The following KLHL29 variants were observed in gnomAD, a reference collection of about 807,000 sequenced individuals.
KLHL29 encodes the protein kelch-like protein 29.
Under a neutral mutation model 80.4 loss-of-function variants are expected in KLHL29, and 21 were observed. The observed-to-expected ratio is 0.26, with a 90% CI of 0.19 to 0.38. KLHL29 has a LOEUF of 0.38. Among genes scored for constraint, KLHL29 ranks in the 10% least tolerant of loss-of-function variants. The pLI is 1.00. For missense variants in KLHL29, 867 were observed against 1,223.9 expected (o/e 0.71, Z 4.35); for synonymous variants, 511 against 526.8 (o/e 0.97, Z 0.41).
At chr2:23,687,692 T>C (rs1269884274) in intron 6 of KLHL29, among the ~76,000 whole-genome samples, 1 of 151,958 alleles carries the variant, frequency 6.6e-6, no homozygotes, top group Non-Finnish European at 1.5e-5. Context: ...TGGCATCTGA[T>C]GTGGGTTATG....
At chr2:23,516,016 G>A (rs2103465625) in intron 2 of KLHL29, among the ~76,000 whole-genome samples, 1 of 152,304 alleles carries the variant, frequency 6.6e-6, no homozygotes, top group East Asian at 1.9e-4. Context: ...TAGTCTATTG[G>A]TCAATTTGTA....
intron 1 of KLHL29, among the ~76,000 whole-genome samples, chr2:23,412,061 G>C (rs1451769011): frequency 6.6e-6 from 1 of 151,148 alleles, no homozygotes; most frequent in Admixed American, 6.6e-5. Context: ...GTGGGAATGT[G>C]AGGTGGTTTC....
At chr2:23,520,106 G>T (rs77696393) in intron 2 of KLHL29, among the ~76,000 whole-genome samples, 3,880 of 152,264 alleles carry the variant, frequency 0.025, 164 homozygotes, top group African/African-American at 0.087. Context: ...GTCAGGGAGT[G>T]GCAGAGAGAG....
At chr2:23,555,788 TG>T (rs751445803) in intron 2 of KLHL29, among the ~76,000 whole-genome samples, 11 of 152,174 alleles carry the variant, frequency 7.2e-5, no homozygotes, top group Non-Finnish European at 1.2e-4. Flanking sequence ...GGGATGCTGT[TG>T]GGCACACCCC....
In KLHL29 at chr2:23,562,859, T is replaced by C. The variant is rs1667487223; in HGVS notation, c.285+378T>C. Among the ~76,000 whole-genome samples the C allele has an allele frequency of 6.6e-6, 1 of 152,062 alleles. No homozygotes were observed. Among genetic ancestry groups the C allele is most frequent in the African/African-American group, 2.4e-5 (1 of 41,396 alleles). ...TCCCTGGGGGTGCCAGTAACTTGGG[T>C]GTGCAAGAAGATACTGACAAGCAGT... is the stretch of plus-strand genomic sequence containing the variant. On this transcript the variant is annotated intron_variant, in intron 3 of 13. Transcript: ENST00000486442. The surrounding 1 kb of genome is among the most constrained non-coding windows in gnomAD (Gnocchi z 4.5).
chr2:23,583,798 A>G (rs1056905420), intron 3 of KLHL29, among the ~76,000 whole-genome samples: 1 of 152,244 alleles, frequency 6.6e-6, no homozygotes, highest in Admixed American at 6.5e-5. Context: ...AAAAAACCAC[A>G]TAAGCCAAAT....
intron 2 of KLHL29, among the ~76,000 whole-genome samples, chr2:23,536,416 C>T (rs1709316): frequency 0.072 from 11,013 of 152,234 alleles, 1,185 homozygotes; most frequent in African/African-American, 0.24. Flanking sequence ...GAATGATACC[C>T]GGGTACTTGT....
chr2:23,606,485 C>T (rs1668732004), intron 3 of KLHL29, among the ~76,000 whole-genome samples: 1 of 152,180 alleles, frequency 6.6e-6, no homozygotes, highest in African/African-American at 2.4e-5. Context: ...TTAGGCACTG[C>T]CTCAAAGCAT....
intron 13 of KLHL29, among the ~76,000 whole-genome samples, chr2:23,705,264 G>A (rs1672645428): frequency 6.6e-6 from 1 of 152,212 alleles, no homozygotes; most frequent in African/African-American, 2.4e-5. Flanking sequence ...AGGCTGAGGT[G>A]AATGGATCAC....
chr2:23,606,933 C>T (rs776678349), intron 3 of KLHL29, among the ~76,000 whole-genome samples: 12 of 152,208 alleles, frequency 7.9e-5, no homozygotes, highest in African/African-American at 1.4e-4. Context: ...ATCAAGGCAC[C>T]GGCCAATGTG....
In KLHL29 at chr2:23,681,689, G is replaced by T. The variant is rs10194699; in HGVS notation, c.941-2710G>T. Among the ~76,000 whole-genome samples, 1,623 of 152,234 alleles carry T rather than the reference G, an allele frequency of 0.011. 25 individuals are homozygous for T. Among genetic ancestry groups the T allele is most frequent in the African/African-American group, 0.037 (1,554 of 41,532 alleles). On this transcript the variant is annotated intron_variant, in intron 5 of 13. Transcript: ENST00000486442. This position sits in a 1 kb window ranked among gnomAD's most constrained non-coding sequence, Gnocchi z 4.2. ...CAGAAAGCTGGGGTGCTGGCCCAGG[G>T]TCACACACCAATTAGTGGCAGTGCT... is the stretch of plus-strand genomic sequence containing the variant.
intron 1 of KLHL29, among the ~76,000 whole-genome samples, chr2:23,466,320 A>C (rs1356152704): frequency 1.3e-5 from 2 of 152,236 alleles, no homozygotes; most frequent in African/African-American, 2.4e-5. Context: ...ATAAAATATA[A>C]ATAAGCCTTT....
chr2:23,428,691 G>A (rs1286835279), intron 1 of KLHL29, among the ~76,000 whole-genome samples: 3 of 152,266 alleles, frequency 2.0e-5, no homozygotes, highest in East Asian at 1.9e-4. Context: ...ATTTGTGGCC[G>A]AGTGGTGAAC....
chr2:23,475,483 CAAAAA>C, intron 1 of KLHL29, 72 bp from the exon 2 acceptor site: 1 of 130,946 alleles, frequency 7.6e-6, no homozygotes. Context: ...CATCTTTTTG[CAAAAA>C]AAAAAAAAGA....
rs571146641 is a variant in KLHL29, at chr2:23,695,294, A to G, written c.1543-329A>G. 3.7e-4 allele frequency among the ~76,000 whole-genome samples: 57 copies of G among 152,156 alleles called. No homozygotes were observed. Among genetic ancestry groups the G allele is most frequent in the African/African-American group, 1.4e-3 (57 of 41,520 alleles). On this transcript the variant is annotated intron_variant, in intron 8 of 13. Coordinates refer to ENST00000486442, the MANE Select transcript of KLHL29 (RefSeq NM_052920.2). This position sits in a 1 kb window ranked among gnomAD's most constrained non-coding sequence, Gnocchi z 7.6. The stretch of plus-strand genomic sequence containing the variant: ...ATTTTAACCCCTCGCCCCTGCCCCC[A>G]GTGGCCTGATCTGCAGCAGGGGTCC...
intron 2 of KLHL29, among the ~76,000 whole-genome samples, chr2:23,480,367 G>A (rs1406872792): frequency 1.3e-5 from 2 of 152,168 alleles, no homozygotes; most frequent in Non-Finnish European, 1.5e-5. Flanking sequence ...CACGCCTATA[G>A]TCCCAGGTAC....
At chr2:23,540,850 A>G (rs191619289) in intron 2 of KLHL29, among the ~76,000 whole-genome samples, 28 of 152,310 alleles carry the variant, frequency 1.8e-4, no homozygotes, top group African/African-American at 6.3e-4. Flanking sequence ...CCCTGCTTAC[A>G]TCTTTTCTGG....
At chr2:23,624,194 G>A (rs1558413019) in intron 3 of KLHL29, among the ~76,000 whole-genome samples, 1 of 152,090 alleles carries the variant, frequency 6.6e-6, no homozygotes, top group Non-Finnish European at 1.5e-5. Flanking sequence ...CATCTCTGGG[G>A]CAGTTGTGAC....
chr2:23,399,789 C>T (rs930883882), intron 1 of KLHL29, among the ~76,000 whole-genome samples: 1 of 152,196 alleles, frequency 6.6e-6, no homozygotes, highest in Non-Finnish European at 1.5e-5. Context: ...GGGTTTATGC[C>T]TGTTCTCGAT....
Sources: gnomAD v4.1 joint callset for allele counts (sites outside exome capture counted in the v4.1 genomes callset) on GRCh38, gnomAD v4.1.1 for gene constraint, Gnocchi (gnomAD v3.1) non-coding constraint, MANE v1.5 for transcripts, NCBI Gene and HGNC (gene_info 2026-07-23, HGNC 2026-07-21) for gene names.